Variants in UBOX5 observed in about 807,000 individuals in gnomAD.
UBOX5 encodes U-box domain containing 5, also known as RING finger protein 37.
In UBOX5, 28 loss-of-function variants were observed where a neutral mutation model predicts 39.0. The observed-to-expected ratio is 0.72, with a 90% CI of 0.53 to 0.98. UBOX5 has a LOEUF of 0.98. UBOX5 is among the 50% of genes least tolerant of loss of function. The pLI is 0.00. For synonymous variants in UBOX5, 283 were observed against 275.5 expected (o/e 1.03, Z -0.27); for missense variants, 585 against 674.4 (o/e 0.87, Z 1.47).
chr20:3,155,539 A>G (rs2066675190), intron 1 of UBOX5, among the ~76,000 whole-genome samples: 1 of 152,194 alleles, frequency 6.6e-6, no homozygotes, highest in Non-Finnish European at 1.5e-5. Flanking sequence ...TCAAAAAAAA[A>G]AAGTGGGTCG....
intron 1 of UBOX5, among the ~76,000 whole-genome samples, chr20:3,144,956 T>C (rs1260591772): frequency 1.3e-5 from 2 of 152,290 alleles, no homozygotes; most frequent in Middle Eastern, 3.4e-3. Flanking sequence ...AGGGGGAGTT[T>C]ATGCAAGACA....
intron 3 of UBOX5, among the ~76,000 whole-genome samples, chr20:3,117,962 A>C (rs1369899134): frequency 6.6e-6 from 1 of 152,202 alleles, no homozygotes; most frequent in Non-Finnish European, 1.5e-5. Context: ...ACTGCACTCC[A>C]GCCAGGGCGA....
chr20:3,121,473 G>A lies in UBOX5; in HGVS notation c.1166C>T (p.Pro389Leu). The A allele has an allele frequency of 1.2e-6, 2 of 1,614,100 alleles. No homozygotes were observed. The highest frequency in any genetic ancestry group is 1.7e-6 in the Non-Finnish European group (2 of 1,180,030). Residue 389 changes from proline (P) to leucine (L), a missense_variant, in exon 3 of 5, where the codon CCT (proline) becomes CTT (leucine). Transcript: ENST00000217173. ...CTCTGAGGTAGTGGGTAAGACCAAA[G>A]GGCTTGTGGCAGAAAAACAGGAAGC... ...VNASCFSATS[P>L]LVLPTTSEHT...
At chr20:3,139,599 CCAGCCTGGTCTTAAACTCCTGA>C (rs769142091) in intron 1 of UBOX5, among the ~76,000 whole-genome samples, 49 of 151,490 alleles carry the variant, frequency 3.2e-4, no homozygotes, top group East Asian at 7.8e-4. Context: ...ACCATGTTTG[CCAGCCTGGTCTTAAACTCCTGA>C]CAGCCTGGTC....
At chr20:3,138,944 C>T (rs1253301799) in intron 1 of UBOX5, among the ~76,000 whole-genome samples, 1 of 151,810 alleles carries the variant, frequency 6.6e-6, no homozygotes, top group East Asian at 1.9e-4. Flanking sequence ...GGCAGACACA[C>T]ATATTTTAAA....
intron 1 of UBOX5, chr20:3,146,567 A>C (rs2066565070): frequency 3.6e-6 from 2 of 553,578 alleles, no homozygotes; most frequent in East Asian, 5.8e-5. Context: ...ACTAAGAGTA[A>C]CATGTATACA....
chr20:3,111,151 C>T (rs2066251119), intron 4 of UBOX5, among the ~76,000 whole-genome samples: 1 of 152,230 alleles, frequency 6.6e-6, no homozygotes, highest in Non-Finnish European at 1.5e-5. Context: ...CACCAGGCTG[C>T]ACCCACGGCT....
At chr20:3,156,354 T>G (rs187918439) in intron 1 of UBOX5, among the ~76,000 whole-genome samples, 1 of 152,068 alleles carries the variant, frequency 6.6e-6, no homozygotes, top group East Asian at 1.9e-4. Flanking sequence ...TTTTTTGTAT[T>G]TTTTGGTAGA....
At chr20:3,122,676 T>C (rs974913796) in intron 2 of UBOX5, 92 bp from the exon 3 acceptor site, 23 of 1,442,094 alleles carry the variant, frequency 1.6e-5, no homozygotes, top group Non-Finnish European at 2.0e-5. Flanking sequence ...TTCCTCGTTT[T>C]AAAATTTCCT....
At chr20:3,114,392 C>T (rs892505020) in intron 4 of UBOX5, among the ~76,000 whole-genome samples, 3 of 152,056 alleles carry the variant, frequency 2.0e-5, no homozygotes, top group East Asian at 1.9e-4. Context: ...GAAGGCGTTT[C>T]GCACAGCAGG....
rs766886179 is a variant in UBOX5 at position 3,148,822 on chromosome 20, A to AT, written c.-42+10943_-42+10944insA. On this transcript the variant is annotated intron_variant, in intron 1 of 4. Transcript: ENST00000217173. ...GCAATGTACTGGCCTTAGAGGAAGA[A>AT]GTCTTGCTGAATTCCAAACCTGGGT... is the stretch of plus-strand genomic sequence containing the variant. 46 of 1,614,100 alleles carry AT rather than the reference A, an allele frequency of 2.8e-5. No homozygotes were observed. In the South Asian group the frequency reaches 5.0e-4, roughly 18 times the overall value.
chr20:3,115,472 G>C lies in UBOX5; in HGVS notation c.1256-6C>G. ...CTGCTCGTGGGACAGTGGACCTGTC[G>C]AGAGATGCGCACAGCACAACATCCA... On this transcript the variant is annotated splice_polypyrimidine_tract_variant and splice_region_variant and intron_variant, in intron 3 of 4. Transcript: ENST00000217173. 6.2e-7 allele frequency: 1 copy of C among 1,610,690 alleles called. No homozygotes were observed. The highest frequency in any genetic ancestry group is 8.5e-7 in the Non-Finnish European group (1 of 1,178,262).
intron 1 of UBOX5, among the ~76,000 whole-genome samples, chr20:3,140,130 T>C (rs553008133): frequency 6.9e-4 from 102 of 148,876 alleles, no homozygotes; most frequent in African/African-American, 2.2e-3. Context: ...CAAGCGATTG[T>C]CCTGTCTCAG....
chr20:3,122,146 G>T lies in UBOX5; in HGVS notation c.493C>A (p.Leu165Ile), dbSNP rs2066342808. Residue 165 changes from leucine (L) to isoleucine (I), a missense_variant, in exon 3 of 5, where the codon CTT (leucine) becomes ATT (isoleucine). Coordinates refer to ENST00000217173, the MANE Select transcript of UBOX5 (RefSeq NM_014948.4). ...VAQELWNKGALSLSHVAHLRI... is the reference protein window; with the variant it reads ...VAQELWNKGAISLSHVAHLRI... ...AAGTGGGCCACGTGGCTAAGGGAAA[G>T]AGCCCCTTTATTCCAGAGCTCCTGG... 1 of 1,614,148 alleles carries T rather than the reference G, an allele frequency of 6.2e-7. No individual in the cohort carries two copies. The highest frequency in any genetic ancestry group is 1.3e-5 in the African/African-American group (1 of 74,958).
intron 1 of UBOX5, chr20:3,147,889 C>T: frequency 1.9e-6 from 3 of 1,614,220 alleles, no homozygotes; most frequent in Non-Finnish European, 2.5e-6. Context: ...GAGTCAGGTG[C>T]ATGACACCTT....
At chr20:3,110,492 G>A (rs534207184) in intron 4 of UBOX5, 178 bp from the exon 5 acceptor site, 54 of 671,020 alleles carry the variant, frequency 8.0e-5, no homozygotes, top group African/African-American at 6.9e-4. Flanking sequence ...CTGGGAACCC[G>A]GGAGGCCTCT....
chr20:3,114,214 G>C (rs2066276146), intron 4 of UBOX5, among the ~76,000 whole-genome samples: 1 of 152,110 alleles, frequency 6.6e-6, no homozygotes, highest in African/African-American at 2.4e-5. Context: ...GAGCTACAGG[G>C]GAACATGGAC....
At chr20:3,112,077 A>C (rs2066257870) in intron 4 of UBOX5, among the ~76,000 whole-genome samples, 1 of 151,378 alleles carries the variant, frequency 6.6e-6, no homozygotes, top group Admixed American at 6.6e-5. Context: ...TCTCCTGTGC[A>C]CACAAGCCAA....
chr20:3,109,835 TG>T lies in UBOX5; in HGVS notation c.*270del. 7.7e-6 allele frequency: 4 copies of T among 517,232 alleles called. No individual in the cohort carries two copies. Among genetic ancestry groups the T allele is most frequent in the Non-Finnish European group, 1.1e-5 (3 of 285,228 alleles). 32.0% of individuals were successfully genotyped at this position (517,232 alleles called of 1,614,324 possible). ...TCAGCAGGGGTCTTCCTGCCTAGGG[TG>T]GGGCTGGCTCCAGTGGGTCCTGGGC... On this transcript the variant is annotated 3_prime_UTR_variant, in exon 5 of 5. Coordinates refer to ENST00000217173, the MANE Select transcript of UBOX5 (RefSeq NM_014948.4).
Sources: allele counts gnomAD v4.1 joint callset (sites outside exome capture counted in the v4.1 genomes callset), GRCh38; gene constraint gnomAD v4.1.1; transcripts MANE v1.5; gene names NCBI Gene and HGNC (gene_info 2026-07-23, HGNC 2026-07-21).